Variants in ZMIZ1 observed in about 807,000 individuals in gnomAD.
ZMIZ1 encodes zinc finger MIZ domain-containing protein 1.
ZMIZ1 carries 17 observed loss-of-function variants against 113.9 expected under a neutral mutation model. The observed-to-expected ratio is 0.15, with a 90% CI of 0.10 to 0.22. The LOEUF is 0.22. ZMIZ1 is among the 10% of genes least tolerant of loss of function. The pLI, the probability that ZMIZ1 is intolerant of heterozygous loss-of-function variation, is 1.00. For synonymous variants in ZMIZ1, 607 were observed against 603.1 expected, an observed-to-expected ratio of 1.01 and a Z score of -0.09; for missense variants, 1,059 against 1,477.8, an observed-to-expected ratio of 0.72 and a Z score of 4.65.
Position 79,108,967 on chromosome 10 carries a change from C to T in ZMIZ1, c.-336-9948C>T, listed in dbSNP as rs138742599. 8.7e-3 allele frequency among the ~76,000 whole-genome samples: 1,327 copies of T among 152,214 alleles called. 10 individuals carry two copies. Among genetic ancestry groups the T allele is most frequent in the Non-Finnish European group, 0.014 (972 of 67,992 alleles). ...CACCCAGGCCCACGTGCTCTGTGTGCACCTGAGGCTGTCCACATCCCTGCC... is the reference window on the plus strand; with the variant it reads ...CACCCAGGCCCACGTGCTCTGTGTGTACCTGAGGCTGTCCACATCCCTGCC... On this transcript the variant is annotated intron_variant, in intron 1 of 24. Transcript: ENST00000334512.
At chr10:79,105,825 C>T (rs766042629) in intron 1 of ZMIZ1, among the ~76,000 whole-genome samples, 1 of 152,168 alleles carries the variant, frequency 6.6e-6, no homozygotes, top group Non-Finnish European at 1.5e-5. Context: ...ATGGCAGTTT[C>T]GATGGCAGAA....
At chr10:79,123,997 C>T (rs965724042) in intron 2 of ZMIZ1, among the ~76,000 whole-genome samples, 1 of 152,250 alleles carries the variant, frequency 6.6e-6, no homozygotes, top group Non-Finnish European at 1.5e-5. Flanking sequence ...AGGCCCTCCA[C>T]CCCAGCCTCT....
At chr10:79,115,698 G>A (rs1261977568) in intron 1 of ZMIZ1, among the ~76,000 whole-genome samples, 1 of 152,248 alleles carries the variant, frequency 6.6e-6, no homozygotes, top group Non-Finnish European at 1.5e-5. Flanking sequence ...TATCTATTTA[G>A]GACAGAGCTG....
chr10:79,297,818 C>T, intron 14 of ZMIZ1, 128 bp downstream of exon 14: 2 of 751,180 alleles, frequency 2.7e-6, no homozygotes, highest in South Asian at 1.6e-5. Flanking sequence ...ACTCCCTGGT[C>T]CCCTGTCCTG....
At chr10:79,241,265 C>G (rs1286301780) in intron 7 of ZMIZ1, among the ~76,000 whole-genome samples, 2 of 152,164 alleles carry the variant, frequency 1.3e-5, no homozygotes, top group Admixed American at 6.5e-5. Flanking sequence ...GAGCAGTGGG[C>G]TTTAGAGTAG....
At position 79,125,399 on chromosome 10, in the gene ZMIZ1, C is replaced by G. The variant is rs116430203; in HGVS notation, c.-227+6375C>G. 3.5e-3 allele frequency among the ~76,000 whole-genome samples: 536 copies of G among 152,332 alleles called. 3 individuals are homozygous for G. Among genetic ancestry groups the G allele is most frequent in the African/African-American group, 0.012 (486 of 41,566 alleles). On this transcript the variant is annotated intron_variant, in intron 2 of 24. Coordinates refer to ENST00000334512, the MANE Select transcript of ZMIZ1 (RefSeq NM_020338.4). ...AGCATCTTTCCCAAGAGAGGTAGGT[C>G]TGGGTCTCCCTCTGGCCGTCCCAGG...
chr10:79,194,899 G>A (rs1447755819), intron 4 of ZMIZ1, among the ~76,000 whole-genome samples: 5 of 152,232 alleles, frequency 3.3e-5, no homozygotes, highest in Non-Finnish European at 7.3e-5. Flanking sequence ...GCTTGGTCCC[G>A]AAAGACGTCC....
intron 7 of ZMIZ1, among the ~76,000 whole-genome samples, chr10:79,276,213 G>A (rs982099297): frequency 6.6e-6 from 1 of 152,152 alleles, no homozygotes; most frequent in Admixed American, 6.5e-5. Context: ...GAGTCTGTGG[G>A]CTCCTGAAGT....
At chr10:79,300,200 C>G (rs1854197947) in intron 16 of ZMIZ1, among the ~76,000 whole-genome samples, 1 of 152,256 alleles carries the variant, frequency 6.6e-6, no homozygotes, top group Admixed American at 6.5e-5. Context: ...TGGGAGTGTC[C>G]TGGCCTGGGA....
chr10:79,249,364 G>A (rs539425680), intron 7 of ZMIZ1, among the ~76,000 whole-genome samples: 8 of 152,356 alleles, frequency 5.3e-5, no homozygotes, highest in East Asian at 1.9e-4. Flanking sequence ...CAGGCGGTTC[G>A]TGACTTGCAT....
chr10:79,072,662 G>A (rs1399592780), intron 1 of ZMIZ1, among the ~76,000 whole-genome samples: 4 of 152,194 alleles, frequency 2.6e-5, no homozygotes, highest in African/African-American at 9.7e-5. Flanking sequence ...TTGGTCGTGG[G>A]ACCAGGAAGC....
intron 1 of ZMIZ1, among the ~76,000 whole-genome samples, chr10:79,116,350 C>A (rs780476393): frequency 6.6e-6 from 1 of 152,016 alleles, no homozygotes; most frequent in Non-Finnish European, 1.5e-5. Flanking sequence ...TGGAGAACTC[C>A]GAGAGCTGCA....
intron 4 of ZMIZ1, among the ~76,000 whole-genome samples, chr10:79,200,578 G>A (rs1029188390): frequency 1.3e-5 from 2 of 152,222 alleles, no homozygotes; most frequent in African/African-American, 4.8e-5. Context: ...AGTGGAAACC[G>A]CGGGCTGGCA....
At chr10:79,249,857 G>T (rs539486983) in intron 7 of ZMIZ1, among the ~76,000 whole-genome samples, 1 of 152,248 alleles carries the variant, frequency 6.6e-6, no homozygotes, top group Non-Finnish European at 1.5e-5. Flanking sequence ...ACTACCCGGG[G>T]CTCTTAAAAT....
intron 1 of ZMIZ1, among the ~76,000 whole-genome samples, chr10:79,110,252 T>G (rs974722157): frequency 4.6e-5 from 7 of 152,162 alleles, no homozygotes; most frequent in Non-Finnish European, 8.8e-5. Flanking sequence ...GAGAAATGAG[T>G]GTGGAGCTTA....
intron 2 of ZMIZ1, among the ~76,000 whole-genome samples, chr10:79,131,584 A>G (rs776887834): frequency 2.0e-5 from 3 of 152,178 alleles, no homozygotes; most frequent in Non-Finnish European, 4.4e-5. Flanking sequence ...CCTGAAAACC[A>G]GTTGATGAAT....
Position 79,201,671 on chromosome 10 carries a change from C to T in ZMIZ1, c.39C>T (p.Asp13=). The T allele has an allele frequency of 6.2e-7, 1 of 1,613,536 alleles. No homozygotes were observed. Among genetic ancestry groups the T allele is most frequent in the Non-Finnish European group, 8.5e-7 (1 of 1,179,896 alleles). The change falls in exon 5 of 25, where the codon GAC becomes GAT. Residue 13 remains aspartate, a synonymous_variant. Transcript: ENST00000334512. ...ACAGGCACATCCAGCAGACCAATGACCGACTGCAGTGCATCAAGCAGGTGG... is the reference window on the plus strand; with the variant it reads ...ACAGGCACATCCAGCAGACCAATGATCGACTGCAGTGCATCAAGCAGGTGG... The part of the protein sequence containing the change: ...SMDRHIQQTN[D]RLQCIKQHLQ...
chr10:79,102,359 C>G (rs1843396408), intron 1 of ZMIZ1, among the ~76,000 whole-genome samples: 1 of 152,254 alleles, frequency 6.6e-6, no homozygotes, highest in Admixed American at 6.5e-5. Flanking sequence ...GAATCTGGCT[C>G]AGCCCCCTCC....
intron 4 of ZMIZ1, among the ~76,000 whole-genome samples, chr10:79,200,481 T>C (rs1848028407): frequency 6.6e-6 from 1 of 152,226 alleles, no homozygotes; most frequent in African/African-American, 2.4e-5. Context: ...TTCATGCTAA[T>C]GGCCCTGAGC....
Sources: allele counts gnomAD v4.1 joint callset (sites outside exome capture counted in the v4.1 genomes callset), GRCh38; gene constraint gnomAD v4.1.1; transcripts MANE v1.5; gene names NCBI Gene and HGNC (gene_info 2026-07-23, HGNC 2026-07-21).